DCHS2: variants seen among roughly 807,000 people sequenced by gnomAD.
DCHS2 encodes the protein protocadherin-23.
Under a neutral mutation model 182.4 loss-of-function variants are expected in DCHS2, and 142 were observed. The ratio of observed to expected loss-of-function variants is 0.78; its 90% CI spans 0.68 to 0.89. The LOEUF (loss-of-function observed/expected upper bound fraction) is 0.89. Ranked by LOEUF, DCHS2 falls within the 40% of genes least tolerant of loss-of-function variation. The pLI, the probability that DCHS2 is intolerant of heterozygous loss-of-function variation, is 0.00. For missense variants in DCHS2, 4,319 were observed against 4,198.6 expected, an observed-to-expected ratio of 1.03 and a Z score of -0.79; for synonymous variants, 1,740 against 1,663.3, an observed-to-expected ratio of 1.05 and a Z score of -1.12.
chr4:154,398,335 G>A (rs1324530860), intron 1 of DCHS2, among the ~76,000 whole-genome samples: 7 of 152,184 alleles, frequency 4.6e-5, no homozygotes, highest in Admixed American at 2.0e-4. Context: ...TCCCAGGGTC[G>A]CAGCAAAGAT....
chr4:154,481,756 A>G (rs1428228166), intron 1 of DCHS2, among the ~76,000 whole-genome samples: 1 of 152,176 alleles, frequency 6.6e-6, no homozygotes, highest in Non-Finnish European at 1.5e-5. Context: ...TGGATGACAA[A>G]ATTGAGGCTT....
chr4:154,419,629 A>G (rs1733017232), intron 1 of DCHS2, among the ~76,000 whole-genome samples: 1 of 146,564 alleles, frequency 6.8e-6, no homozygotes, highest in African/African-American at 2.5e-5. Context: ...CAGCCTGGGC[A>G]AAAGAAACGA....
At chr4:154,240,387 T>C (rs951830026) in intron 18 of DCHS2, 150 bp downstream of exon 18, 7 of 840,126 alleles carry the variant, frequency 8.3e-6, no homozygotes, top group East Asian at 5.4e-5. Context: ...GACTCCGTGA[T>C]ATTAAGTGTA....
At chr4:154,411,877 A>G (rs1336229539) in intron 1 of DCHS2, among the ~76,000 whole-genome samples, 3 of 152,228 alleles carry the variant, frequency 2.0e-5, no homozygotes, top group Non-Finnish European at 4.4e-5. Flanking sequence ...AAAAAGCCTG[A>G]AGGTTTTATT....
chr4:154,321,333 T>A lies in DCHS2; in HGVS notation c.4177-111A>T, dbSNP rs566278996. On this transcript the variant is annotated intron_variant, in intron 8 of 19. Coordinates refer to ENST00000357232, the MANE Select transcript of DCHS2 (RefSeq NM_001358235.2). Reference sequence around the variant, plus strand: ...AATTCCTTCCATGTATGTGATCATATGTTAATTAGTGAGAAAAATGTCATT... The same window carrying A: ...AATTCCTTCCATGTATGTGATCATAAGTTAATTAGTGAGAAAAATGTCATT... The A allele has an allele frequency of 2.4e-4, 275 of 1,155,484 alleles. 3 individuals are homozygous for A. The South Asian group carries it at 5.6e-3, about 24-fold the overall frequency. The allele number at this position is 1,155,484 out of a possible 1,614,324, so 71.6% of individuals were successfully genotyped here. A position where few individuals can be genotyped will look rare whatever the true frequency, so the allele number is the denominator to read the frequency against.
chr4:154,322,180 G>C, intron 8 of DCHS2, 151 bp downstream of exon 8: 1 of 1,146,322 alleles, frequency 8.7e-7, no homozygotes, highest in South Asian at 1.6e-5. Flanking sequence ...AGCTAAGTAT[G>C]CTATGTGCAA....
intron 2 of DCHS2, among the ~76,000 whole-genome samples, chr4:154,372,032 G>C (rs1730670306): frequency 6.6e-6 from 1 of 152,140 alleles, no homozygotes. Flanking sequence ...GTGGGGAGGA[G>C]AATATGGATA....
chr4:154,260,705 A>G (rs1425134542), intron 14 of DCHS2, among the ~76,000 whole-genome samples: 2 of 152,094 alleles, frequency 1.3e-5, no homozygotes, highest in African/African-American at 4.8e-5. Context: ...TGCATTTCCC[A>G]GCAGCTGCAT....
chr4:154,486,401 G>C, intron 1 of DCHS2: 1 of 1,303,468 alleles, frequency 7.7e-7, no homozygotes, highest in Non-Finnish European at 1.0e-6. Flanking sequence ...AAGTTAAAGG[G>C]TTTGTTTTTA....
intron 13 of DCHS2, among the ~76,000 whole-genome samples, chr4:154,289,728 G>C (rs4696544): frequency 3.9e-5 from 6 of 152,050 alleles, no homozygotes; most frequent in Non-Finnish European, 5.9e-5. Context: ...ACATTAAGAA[G>C]ATCATTCATC....
chr4:154,307,225 T>A (rs1735472192), intron 10 of DCHS2, among the ~76,000 whole-genome samples: 1 of 152,128 alleles, frequency 6.6e-6, no homozygotes, highest in South Asian at 2.1e-4. Flanking sequence ...TCATCAAACT[T>A]GAGAATTAAG....
At chr4:154,408,325 G>T (rs981874116) in intron 1 of DCHS2, among the ~76,000 whole-genome samples, 1 of 152,096 alleles carries the variant, frequency 6.6e-6, no homozygotes, top group Non-Finnish European at 1.5e-5. Flanking sequence ...TATATTTAAT[G>T]AGCAAATTTA....
At chr4:154,309,341 C>T (rs1255672792) in intron 10 of DCHS2, among the ~76,000 whole-genome samples, 1 of 152,086 alleles carries the variant, frequency 6.6e-6, no homozygotes, top group Non-Finnish European at 1.5e-5. Context: ...AGAAGGAGAC[C>T]AAAAGTCAGA....
At chr4:154,432,509 T>TA (rs1416402861) in intron 1 of DCHS2, among the ~76,000 whole-genome samples, 1 of 152,200 alleles carries the variant, frequency 6.6e-6, no homozygotes, top group African/African-American at 2.4e-5. Flanking sequence ...TTAAAGGTCT[T>TA]ACATTGTTCA....
chr4:154,259,780 AAAAAG>A lies in DCHS2; in HGVS notation c.6578-29_6578-25del, dbSNP rs767070503. On this transcript the variant is annotated intron_variant, in intron 14 of 19. Transcript: ENST00000357232. The stretch of plus-strand genomic sequence containing the variant: ...TCCTATTTTTATTTCCAAGGAGAAA[AAAAAG>A]AAAATGATGTTGTAGTTATTCTTTT... 11 of 1,576,988 alleles carry A rather than the reference AAAAAG, an allele frequency of 7.0e-6. No individual in the cohort carries two copies. The Admixed American group carries it at 1.8e-4, about 26-fold the overall frequency.
At chr4:154,355,103 C>T (rs1729799817) in intron 3 of DCHS2, among the ~76,000 whole-genome samples, 1 of 151,994 alleles carries the variant, frequency 6.6e-6, no homozygotes, top group Non-Finnish European at 1.5e-5. Context: ...TAAAATGAGG[C>T]TGAGACCTAT....
At chr4:154,423,098 C>T (rs929216058) in intron 1 of DCHS2, among the ~76,000 whole-genome samples, 6 of 152,160 alleles carry the variant, frequency 3.9e-5, no homozygotes, top group Non-Finnish European at 8.8e-5. Context: ...ATAAACTCCA[C>T]CCATTTAAAC....
At chr4:154,380,030 G>A (rs1731098319) in intron 1 of DCHS2, among the ~76,000 whole-genome samples, 1 of 152,170 alleles carries the variant, frequency 6.6e-6, no homozygotes, top group Non-Finnish European at 1.5e-5. Context: ...AGATACTGCT[G>A]CAATGTATTA....
At chr4:154,373,476 A>C (rs2110793809) in intron 2 of DCHS2, among the ~76,000 whole-genome samples, 1 of 152,312 alleles carries the variant, frequency 6.6e-6, no homozygotes, top group African/African-American at 2.4e-5. Context: ...ACATACACTC[A>C]CATGAAAACA....
Sources: allele counts gnomAD v4.1 joint callset (sites outside exome capture counted in the v4.1 genomes callset), GRCh38; gene constraint gnomAD v4.1.1; transcripts MANE v1.5; gene names NCBI Gene and HGNC (gene_info 2026-07-23, HGNC 2026-07-21).